Variants in GPM6B observed in about 807,000 individuals in gnomAD.
The protein encoded by GPM6B is neuronal membrane glycoprotein M6-b.
GPM6B carries 4 observed loss-of-function variants against 27.2 expected under a neutral mutation model. That is an observed-to-expected ratio of 0.15 (90% CI 0.07 to 0.34). The LOEUF is 0.34. Ranked by LOEUF, GPM6B falls within the 10% of genes least tolerant of loss-of-function variation. The pLI, the probability that GPM6B is intolerant of heterozygous loss-of-function variation, is 1.00. For missense variants in GPM6B, 183 were observed against 261.9 expected (o/e 0.70, Z 2.08); for synonymous variants, 124 against 103.1 (o/e 1.20, Z -1.23).
chrX:13,837,957 A>C (rs1288327122), intron 1 of GPM6B, among the ~76,000 whole-genome samples: 1 of 110,661 alleles, frequency 9.0e-6, no homozygotes, highest in Non-Finnish European at 1.9e-5. Flanking sequence ...TACAAACCCT[A>C]AACTCCTTCT....
chrX:13,898,290 A>C (rs1477103496), intron 1 of GPM6B, among the ~76,000 whole-genome samples: 2 of 112,320 alleles, frequency 1.8e-5, no homozygotes, highest in African/African-American at 6.5e-5. Context: ...ACGACCAAAA[A>C]TGTCTGCAAG....
At chrX:13,880,772 T>TGC (rs1255244658) in intron 1 of GPM6B, among the ~76,000 whole-genome samples, 1 of 110,238 alleles carries the variant, frequency 9.1e-6, no homozygotes, top group Non-Finnish European at 1.9e-5. Flanking sequence ...TATCAAGCTC[T>TGC]GCAAGGCCTT....
intron 2 of GPM6B, among the ~76,000 whole-genome samples, chrX:13,803,614 C>G (rs1014789687): frequency 8.9e-6 from 1 of 112,146 alleles, no homozygotes; most frequent in East Asian, 2.8e-4. Context: ...TATAAAGAAC[C>G]ATTCTTAGTC....
At chrX:13,842,933 A>G (rs1294780091) in intron 1 of GPM6B, among the ~76,000 whole-genome samples, 2 of 111,797 alleles carry the variant, frequency 1.8e-5, no homozygotes, top group African/African-American at 3.3e-5. Context: ...CTTTATTATC[A>G]TTGACATACC....
chrX:13,928,825 C>A (rs1211981424), intron 1 of GPM6B, among the ~76,000 whole-genome samples: 1 of 111,956 alleles, frequency 8.9e-6, no homozygotes, highest in Admixed American at 9.5e-5. Flanking sequence ...GTTCTTTTTG[C>A]GCTGGAACTA....
At chrX:13,801,617 G>A (rs1392457768) in intron 2 of GPM6B, among the ~76,000 whole-genome samples, 5 of 111,801 alleles carry the variant, frequency 4.5e-5, no homozygotes, top group African/African-American at 1.6e-4. Context: ...GGCTGGTTCC[G>A]ATAACATTTT....
At chrX:13,783,737 T>C in intron 3 of GPM6B, 1 of 460,018 alleles carries the variant, frequency 2.2e-6, no homozygotes, top group South Asian at 2.9e-5. Flanking sequence ...TGATGTTTCC[T>C]TTGCTCAGGG....
chrX:13,807,476 G>A (rs1006563938), intron 2 of GPM6B, among the ~76,000 whole-genome samples, 174 bp downstream of exon 2: 2 of 112,248 alleles, frequency 1.8e-5, no homozygotes, highest in African/African-American at 6.5e-5. Context: ...GAGGGAGAGA[G>A]AAAAAGAAAG....
chrX:13,800,533 T>C (rs1295455327), intron 2 of GPM6B, among the ~76,000 whole-genome samples: 7 of 112,510 alleles, frequency 6.2e-5, no homozygotes, highest in East Asian at 2.7e-4. Context: ...CACAAAGATA[T>C]AGTGGCAATA....
chrX:13,901,642 T>C (rs2050283510), intron 1 of GPM6B, among the ~76,000 whole-genome samples: 1 of 111,362 alleles, frequency 9.0e-6, no homozygotes, highest in Non-Finnish European at 1.9e-5. Context: ...ATGTGCTTCC[T>C]TGTACTGGGG....
intron 1 of GPM6B, among the ~76,000 whole-genome samples, chrX:13,867,295 A>C (rs763590741): frequency 1.3e-4 from 14 of 111,103 alleles, no homozygotes; most frequent in Non-Finnish European, 2.1e-4. Flanking sequence ...TCTTCTGTAG[A>C]GATGGGGTTT....
At chrX:13,929,685 G>A (rs181389613) in intron 1 of GPM6B, among the ~76,000 whole-genome samples, 16 of 111,094 alleles carry the variant, frequency 1.4e-4, no homozygotes, top group African/African-American at 4.9e-4. Context: ...GACATTTTTG[G>A]TTGTTACAAC....
intron 2 of GPM6B, among the ~76,000 whole-genome samples, chrX:13,786,601 A>T (rs991340796): frequency 5.4e-5 from 6 of 110,197 alleles, no homozygotes; most frequent in Non-Finnish European, 7.6e-5. Flanking sequence ...CTTCCCCGAC[A>T]CACACGTTCA....
At chrX:13,799,190 ATTTTTTTTTTTTTTTTTTTTTT>A (rs763194245) in intron 2 of GPM6B, among the ~76,000 whole-genome samples, 12 of 35,971 alleles carry the variant, frequency 3.3e-4, no homozygotes, top group African/African-American at 8.4e-4. Flanking sequence ...AGCCAACCTA[ATTTTTTTTTTTTTTTTTTTTTT>A]TTTTTTTTTT....
chrX:13,917,982 T>C (rs1484538182), intron 1 of GPM6B, among the ~76,000 whole-genome samples: 2 of 112,863 alleles, frequency 1.8e-5, no homozygotes, highest in Middle Eastern at 4.6e-3. Flanking sequence ...CTGAAAATTG[T>C]TAATACAGTC....
intron 1 of GPM6B, among the ~76,000 whole-genome samples, chrX:13,925,490 C>T (rs865980741): frequency 3.8e-5 from 3 of 79,878 alleles, no homozygotes; most frequent in African/African-American, 4.8e-5. Context: ...CCATGTCTGG[C>T]TTTTTTTTTT....
chrX:13,823,539 T>G (rs1452554265), intron 1 of GPM6B, among the ~76,000 whole-genome samples: 1 of 90,211 alleles, frequency 1.1e-5, no homozygotes, highest in Admixed American at 1.1e-4. Context: ...TTTTTTTTTT[T>G]GACAGAGTCC....
At chrX:13,878,875 TA>T (rs1192953805) in intron 1 of GPM6B, among the ~76,000 whole-genome samples, 6 of 111,410 alleles carry the variant, frequency 5.4e-5, no homozygotes, top group African/African-American at 2.0e-4. Context: ...TTTGAAGATG[TA>T]GGAAAATGGC....
intron 1 of GPM6B, among the ~76,000 whole-genome samples, chrX:13,883,903 C>T (rs934228070): frequency 1.7e-4 from 19 of 110,551 alleles, no homozygotes; most frequent in Admixed American, 6.7e-4. Flanking sequence ...CACGGCCAGG[C>T]GTGGTAGCTC....
Sources: gnomAD v4.1 joint callset for allele counts (sites outside exome capture counted in the v4.1 genomes callset) on GRCh38, gnomAD v4.1.1 for gene constraint, MANE v1.5 for transcripts, NCBI Gene and HGNC (gene_info 2026-07-23, HGNC 2026-07-21) for gene names.